The following CTNNA3 variants were observed in gnomAD, a reference collection of about 807,000 sequenced individuals.
CTNNA3 encodes catenin alpha-3.
A neutral mutation model predicts 95.7 loss-of-function variants in CTNNA3; 76 were observed. That is an observed-to-expected ratio of 0.79 (90% confidence interval 0.66 to 0.96). The LOEUF is 0.96. Among genes scored for constraint, CTNNA3 ranks in the 40% least tolerant of loss-of-function variants. The probability of loss-of-function intolerance (pLI) is 0.00; values close to 1 mark genes in which losing one functional copy is unlikely to be tolerated. For synonymous variants in CTNNA3, 431 were observed against 374.4 expected (o/e 1.15, Z -1.74); for missense variants, 1,191 against 1,089.8 (o/e 1.09, Z -1.31).
chr10:67,055,981 G>C (rs1475445984), intron 7 of CTNNA3, among the ~76,000 whole-genome samples: 1 of 151,996 alleles, frequency 6.6e-6, no homozygotes, highest in African/African-American at 2.4e-5. Flanking sequence ...GCATAATACT[G>C]TACTCTTGCC....
At chr10:66,930,087 T>C (rs1475740069) in intron 7 of CTNNA3, among the ~76,000 whole-genome samples, 7 of 152,222 alleles carry the variant, frequency 4.6e-5, no homozygotes, top group South Asian at 4.1e-4. Flanking sequence ...GTTTTTCATA[T>C]GCTGAGAGGA....
At chr10:67,445,660 G>A (rs1049002736) in intron 5 of CTNNA3, among the ~76,000 whole-genome samples, 2 of 152,172 alleles carry the variant, frequency 1.3e-5, no homozygotes, top group Non-Finnish European at 2.9e-5. Flanking sequence ...AAGCATAGCA[G>A]AGAGGTCTTT....
chr10:67,637,799 C>G (rs1839374515), intron 2 of CTNNA3, among the ~76,000 whole-genome samples: 1 of 152,114 alleles, frequency 6.6e-6, no homozygotes, highest in South Asian at 2.1e-4. Flanking sequence ...AAACACTTTA[C>G]AGACAAGCAA....
chr10:66,932,331 C>T (rs1053956652), intron 7 of CTNNA3, among the ~76,000 whole-genome samples: 4 of 152,156 alleles, frequency 2.6e-5, no homozygotes, highest in African/African-American at 4.8e-5. Context: ...GAACTCAAAT[C>T]GTTTATTTAA....
chr10:66,102,497 C>A (rs914534773), intron 14 of CTNNA3, among the ~76,000 whole-genome samples: 1 of 152,146 alleles, frequency 6.6e-6, no homozygotes, highest in Non-Finnish European at 1.5e-5. Flanking sequence ...CATGCATTCC[C>A]AGGAAGGCTT....
intron 3 of CTNNA3, among the ~76,000 whole-genome samples, chr10:67,594,022 T>C (rs747081752): frequency 9.9e-5 from 15 of 152,088 alleles, no homozygotes; most frequent in East Asian, 3.8e-4. Context: ...TGATCGTGTG[T>C]TGTCTTTTAG....
intron 13 of CTNNA3, among the ~76,000 whole-genome samples, chr10:66,273,875 G>A (rs1007045210): frequency 6.6e-6 from 1 of 151,862 alleles, no homozygotes; most frequent in African/African-American, 2.4e-5. Flanking sequence ...AGGGTGGAGA[G>A]TACAGCCTGG....
chr10:66,010,397 T>G (rs992591289), intron 15 of CTNNA3, among the ~76,000 whole-genome samples: 12 of 152,286 alleles, frequency 7.9e-5, no homozygotes, highest in African/African-American at 2.2e-4. Flanking sequence ...GAATTATTTT[T>G]AGGGGCTTTT....
chr10:65,961,263 T>C (rs1941988), intron 17 of CTNNA3, among the ~76,000 whole-genome samples: 17,153 of 152,126 alleles, frequency 0.11, 1,379 homozygotes, highest in South Asian at 0.25. Context: ...GAAAATTGAG[T>C]CTGTGCCACC....
rs80233841 is a variant in CTNNA3, at chr10:67,159,678, A to G, written c.1047+20639T>C. On this transcript the variant is annotated intron_variant, in intron 7 of 17. Transcript: ENST00000433211. ...AAAACTGAATATCCATATACAAAAGAATTAATTTGGACCTTTACCTTACAA... is the reference window on the plus strand; with the variant it reads ...AAAACTGAATATCCATATACAAAAGGATTAATTTGGACCTTTACCTTACAA... Among the ~76,000 whole-genome samples the G allele has an allele frequency of 5.8e-4, 89 of 152,324 alleles. 1 individual carries two copies. The East Asian group carries it at 0.012, about 21-fold the overall frequency.
At position 67,018,120 on chromosome 10, in the gene CTNNA3, A is replaced by G. The variant is rs925303715; in HGVS notation, c.1047+162197T>C. 3.9e-5 allele frequency among the ~76,000 whole-genome samples: 6 copies of G among 152,284 alleles called. No homozygotes were observed. In the East Asian group the frequency reaches 1.2e-3, roughly 29 times the overall value. On this transcript the variant is annotated intron_variant, in intron 7 of 17. Coordinates refer to ENST00000433211, the MANE Select transcript of CTNNA3 (RefSeq NM_013266.4). ...TTTTAACTTAAAATATATAAATGTTAATTCACTTTTCAAGTGTTTACAGTA... is the reference window on the plus strand; with the variant it reads ...TTTTAACTTAAAATATATAAATGTTGATTCACTTTTCAAGTGTTTACAGTA...
At chr10:66,288,822 A>G (rs1340895125) in intron 12 of CTNNA3, among the ~76,000 whole-genome samples, 1 of 152,064 alleles carries the variant, frequency 6.6e-6, no homozygotes, top group Non-Finnish European at 1.5e-5. Context: ...TATGAGTTAA[A>G]AAACCCTAAA....
At chr10:66,908,502 G>A (rs959933152) in intron 7 of CTNNA3, among the ~76,000 whole-genome samples, 2 of 152,070 alleles carry the variant, frequency 1.3e-5, no homozygotes, top group African/African-American at 4.8e-5. Flanking sequence ...ACTATGAAGT[G>A]GTTTTTCATC....
At chr10:67,324,516 TTC>T (rs1841462105) in intron 5 of CTNNA3, among the ~76,000 whole-genome samples, 1 of 152,214 alleles carries the variant, frequency 6.6e-6, no homozygotes, top group Non-Finnish European at 1.5e-5. Context: ...TTGTTTTTAC[TTC>T]TGTTATGTGA....
At chr10:66,659,353 T>A (rs2132437510) in intron 9 of CTNNA3, among the ~76,000 whole-genome samples, 1 of 152,230 alleles carries the variant, frequency 6.6e-6, no homozygotes, top group South Asian at 2.1e-4. Context: ...AGTAGAGACC[T>A]GTATAAGTGA....
At chr10:66,592,331 C>A (rs934210240) in intron 10 of CTNNA3, among the ~76,000 whole-genome samples, 1 of 152,036 alleles carries the variant, frequency 6.6e-6, no homozygotes, top group African/African-American at 2.4e-5. Flanking sequence ...GATTATTTTC[C>A]TTTCTTCAAA....
At chr10:66,550,304 A>T in intron 10 of CTNNA3, among the ~76,000 whole-genome samples, 1 of 151,904 alleles carries the variant, frequency 6.6e-6, no homozygotes, top group East Asian at 1.9e-4. Flanking sequence ...ACTTACCTTC[A>T]GTCTGTCTTT....
chr10:67,241,278 T>C (rs113151925), intron 5 of CTNNA3, among the ~76,000 whole-genome samples: 5,414 of 151,990 alleles, frequency 0.036, 204 homozygotes, highest in South Asian at 0.19. Flanking sequence ...CAAAAATTAG[T>C]TGGGCATGGT....
At chr10:67,676,221 C>G (rs930390222) in intron 1 of CTNNA3, among the ~76,000 whole-genome samples, 2 of 151,938 alleles carry the variant, frequency 1.3e-5, no homozygotes, top group Admixed American at 1.3e-4. Flanking sequence ...ACTTGATTGT[C>G]TTTTATAAAC....
Sources: allele counts gnomAD v4.1 joint callset (sites outside exome capture counted in the v4.1 genomes callset), GRCh38; gene constraint gnomAD v4.1.1; transcripts MANE v1.5; gene names NCBI Gene and HGNC (gene_info 2026-07-23, HGNC 2026-07-21).